The following RORA variants were observed in gnomAD, a reference collection of about 807,000 sequenced individuals.
The protein encoded by RORA is nuclear receptor ROR-alpha.
A neutral mutation model predicts 69.5 loss-of-function variants in RORA; 7 were observed. The observed-to-expected ratio is 0.10, with a 90% CI of 0.06 to 0.19. The LOEUF is 0.19. Ranked by LOEUF, RORA falls within the 10% of genes least tolerant of loss-of-function variation. The probability of loss-of-function intolerance (pLI) is 1.00; values close to 1 mark genes in which losing one functional copy is unlikely to be tolerated. For synonymous variants in RORA, 261 were observed against 240.8 expected, an observed-to-expected ratio of 1.08 and a Z score of -0.78; for missense variants, 457 against 663.0, an observed-to-expected ratio of 0.69 and a Z score of 3.41.
intron 1 of RORA, among the ~76,000 whole-genome samples, chr15:60,870,106 G>T (rs1051123389): frequency 1.4e-4 from 22 of 152,160 alleles, no homozygotes; most frequent in African/African-American, 5.1e-4. Context: ...TATTATTCAT[G>T]ATTTCAGTCA....
intron 1 of RORA, among the ~76,000 whole-genome samples, chr15:60,750,916 T>C (rs930643386): frequency 3.3e-5 from 5 of 152,146 alleles, no homozygotes; most frequent in African/African-American, 1.2e-4. Flanking sequence ...TTCAAGCACC[T>C]TAGTTCCAAC....
chr15:60,904,117 A>G (rs1891465990), intron 1 of RORA, among the ~76,000 whole-genome samples: 1 of 152,222 alleles, frequency 6.6e-6, no homozygotes, highest in Non-Finnish European at 1.5e-5. Context: ...CAAATAACAT[A>G]TAACTATCGT....
chr15:60,868,488 C>T (rs1349346279), intron 1 of RORA, among the ~76,000 whole-genome samples: 1 of 152,126 alleles, frequency 6.6e-6, no homozygotes, highest in East Asian at 1.9e-4. Context: ...CACTTCCAAA[C>T]CTGATGGTTC....
intron 1 of RORA, among the ~76,000 whole-genome samples, chr15:60,906,135 G>A (rs145937271): frequency 6.2e-4 from 95 of 152,270 alleles, no homozygotes; most frequent in African/African-American, 1.9e-3. Context: ...CCTGCTATGC[G>A]TCTGTGAAAC....
chr15:60,560,556 G>A (rs1340123457), intron 2 of RORA, among the ~76,000 whole-genome samples: 1 of 152,194 alleles, frequency 6.6e-6, no homozygotes, highest in Non-Finnish European at 1.5e-5. Context: ...GAGTGTGGTG[G>A]TGCCAGTCTG....
intron 1 of RORA, among the ~76,000 whole-genome samples, chr15:60,999,559 T>C (rs1036827273): frequency 6.6e-6 from 1 of 152,228 alleles, no homozygotes; most frequent in African/African-American, 2.4e-5. Context: ...CTTCATTACA[T>C]GGCAGGCTGT....
rs1168569231 is a variant in RORA at position 60,534,708 on chromosome 15, C to G, written c.197-2857G>C. ...TTATCTCAGATGACAATTTCAGTTG[C>G]AAATGCACTTTAGGAAATGACTAAA... is the stretch of plus-strand genomic sequence containing the variant. On this transcript the variant is annotated intron_variant, in intron 2 of 10. Coordinates refer to ENST00000335670, the MANE Select transcript of RORA (RefSeq NM_134261.3). The surrounding 1 kb of genome is among the most constrained non-coding windows in gnomAD (Gnocchi z 5.0). Among the ~76,000 whole-genome samples, 8 of 152,070 alleles carry G rather than the reference C, an allele frequency of 5.3e-5. No homozygotes were observed. Among genetic ancestry groups the G allele is most frequent in the Non-Finnish European group, 7.3e-5 (5 of 68,032 alleles).
intron 2 of RORA, among the ~76,000 whole-genome samples, chr15:60,570,070 G>A (rs1023994997): frequency 7.2e-5 from 11 of 152,136 alleles, no homozygotes; most frequent in African/African-American, 2.2e-4. Flanking sequence ...CAGAAGGGAG[G>A]TGAAGGGGAC....
intron 1 of RORA, among the ~76,000 whole-genome samples, chr15:60,726,161 C>T (rs2071354496): frequency 6.6e-6 from 1 of 152,102 alleles, no homozygotes; most frequent in South Asian, 2.1e-4. Context: ...CCGGGTTTAC[C>T]TGACTCCAAA....
intron 1 of RORA, among the ~76,000 whole-genome samples, chr15:61,023,909 C>A (rs1282746421): frequency 6.6e-6 from 1 of 152,132 alleles, no homozygotes; most frequent in Non-Finnish European, 1.5e-5. Flanking sequence ...TTTGTATACA[C>A]TGATATATAA....
At chr15:60,844,462 C>T (rs917690096) in intron 1 of RORA, among the ~76,000 whole-genome samples, 3 of 152,098 alleles carry the variant, frequency 2.0e-5, no homozygotes, top group South Asian at 2.1e-4. Flanking sequence ...CCCAACCAGC[C>T]AGTTTTCATT....
chr15:61,227,145 G>A (rs1290810216), intron 1 of RORA, among the ~76,000 whole-genome samples: 1 of 150,526 alleles, frequency 6.6e-6, no homozygotes, highest in Non-Finnish European at 1.5e-5. Flanking sequence ...GGGTCAAGAA[G>A]GAGAAAGGTG....
intron 1 of RORA, among the ~76,000 whole-genome samples, chr15:60,907,028 C>G (rs926748988): frequency 3.9e-5 from 6 of 152,142 alleles, no homozygotes; most frequent in Non-Finnish European, 5.9e-5. Context: ...AAGGAGGGAG[C>G]ACCAGGGTTT....
chr15:60,773,906 T>C (rs2072118399), intron 1 of RORA, among the ~76,000 whole-genome samples: 1 of 152,254 alleles, frequency 6.6e-6, no homozygotes, highest in African/African-American at 2.4e-5. Context: ...TTCACATTTA[T>C]GTAATACATA....
chr15:60,682,993 T>C (rs2070669578), intron 1 of RORA, among the ~76,000 whole-genome samples: 1 of 152,208 alleles, frequency 6.6e-6, no homozygotes, highest in Non-Finnish European at 1.5e-5. Context: ...TTTTCTTATA[T>C]GCAGAATGAG....
In RORA at chr15:60,503,680, GAA is replaced by G. The variant is rs1463198451; in HGVS notation, c.943-15_943-14del. 1.2e-6 allele frequency: 2 copies of G among 1,612,772 alleles called. No individual in the cohort carries two copies. Among genetic ancestry groups the G allele is most frequent in the Non-Finnish European group, 1.7e-6 (2 of 1,179,746 alleles). ...TCACCTCCCGCTGCTGTTAAAGAGG[GAA>G]ACACATTAACATCCTCCAGGAAGAT... is the stretch of plus-strand genomic sequence containing the variant. On this transcript the variant is annotated splice_polypyrimidine_tract_variant and intron_variant, in intron 6 of 10. Transcript: ENST00000335670.
intron 1 of RORA, among the ~76,000 whole-genome samples, chr15:60,897,622 T>C (rs1457689742): frequency 6.6e-6 from 1 of 152,262 alleles, no homozygotes; most frequent in Admixed American, 6.5e-5. Context: ...GCCCTGCAGC[T>C]AAAGACATCT....
chr15:60,640,076 ATTAC>A (rs1481079448), intron 2 of RORA, among the ~76,000 whole-genome samples: 1 of 152,166 alleles, frequency 6.6e-6, no homozygotes, highest in Non-Finnish European at 1.5e-5. Context: ...TTTGGAGTTA[ATTAC>A]TTAACTTCTC....
At chr15:60,561,069 T>TG (rs1458832709) in intron 2 of RORA, among the ~76,000 whole-genome samples, 13 of 132,170 alleles carry the variant, frequency 9.8e-5, no homozygotes, top group African/African-American at 4.4e-4. Context: ...TTTTTTTTTT[T>TG]TGTTTTGTTT....
Sources: allele counts gnomAD v4.1 joint callset (sites outside exome capture counted in the v4.1 genomes callset), GRCh38; gene constraint gnomAD v4.1.1; non-coding constraint Gnocchi (gnomAD v3.1); transcripts MANE v1.5; gene names NCBI Gene and HGNC (gene_info 2026-07-23, HGNC 2026-07-21).